Variants in CAST observed in about 807,000 individuals in gnomAD.
CAST encodes the protein MIR583 host.
In CAST, 76 loss-of-function variants were observed where a neutral mutation model predicts 119.6. That is an observed-to-expected ratio of 0.64 (90% CI 0.53 to 0.77). The LOEUF is 0.77. Ranked by LOEUF, CAST falls within the 30% of genes least tolerant of loss-of-function variation. CAST has a pLI of 0.00. For missense variants in CAST, 953 were observed against 946.5 expected (o/e 1.01, Z -0.09); for synonymous variants, 319 against 331.6 (o/e 0.96, Z 0.41).
the CAST span, among the ~76,000 whole-genome samples, chr5:96,060,504 G>A: frequency 3.3e-5 from 5 of 151,988 alleles, no homozygotes; most frequent in Non-Finnish European, 7.4e-5. Context: ...CATTTCCAGC[G>A]TCCTATCACC....
chr5:96,140,490 C>G, the CAST span, among the ~76,000 whole-genome samples: 1 of 152,184 alleles, frequency 6.6e-6, no homozygotes, highest in African/African-American at 2.4e-5. Context: ...AGGCTGAAAT[C>G]TCAATTCTTT....
chr5:96,190,038 T>C, the CAST span, among the ~76,000 whole-genome samples: 5 of 152,136 alleles, frequency 3.3e-5, no homozygotes, highest in African/African-American at 1.2e-4. Context: ...TATTCCAAGT[T>C]GGGGGTATTA....
chr5:96,683,182 C>A (rs1751656063), intron 2 of CAST, among the ~76,000 whole-genome samples: 1 of 152,168 alleles, frequency 6.6e-6, no homozygotes, highest in African/African-American at 2.4e-5. Context: ...TATGAGCATT[C>A]AGGAAAGAGG....
the CAST span, among the ~76,000 whole-genome samples, chr5:96,465,237 G>T: frequency 6.6e-6 from 1 of 150,728 alleles, no homozygotes; most frequent in Non-Finnish European, 1.5e-5. Flanking sequence ...ATTGAATTTT[G>T]TATTTTTGTA....
chr5:96,183,088 G>A, the CAST span, among the ~76,000 whole-genome samples: 1 of 151,488 alleles, frequency 6.6e-6, no homozygotes, highest in African/African-American at 2.4e-5. Context: ...GCAGTGAGCC[G>A]AGATCGCGCG....
the CAST span, among the ~76,000 whole-genome samples, chr5:96,079,774 T>C: frequency 1.3e-5 from 2 of 152,224 alleles, no homozygotes; most frequent in African/African-American, 2.4e-5. Context: ...TATTATTATT[T>C]TTAACTTAAC....
At chr5:96,303,342 A>G in the CAST span, among the ~76,000 whole-genome samples, 1 of 152,226 alleles carries the variant, frequency 6.6e-6, no homozygotes, top group South Asian at 2.1e-4. Context: ...AGGGACACAG[A>G]GACAAATCAT....
At chr5:96,154,016 C>T in the CAST span, among the ~76,000 whole-genome samples, 6 of 152,006 alleles carry the variant, frequency 3.9e-5, no homozygotes, top group Non-Finnish European at 7.4e-5. Flanking sequence ...TGAGGCCGGG[C>T]GTGGTGGCTC....
chr5:96,558,132 A>T (rs1746281171), intron 1 of CAST, among the ~76,000 whole-genome samples: 1 of 152,242 alleles, frequency 6.6e-6, no homozygotes. Flanking sequence ...ATGAAGGCAG[A>T]AATAAAGATG....
intron 3 of CAST, among the ~76,000 whole-genome samples, chr5:96,697,134 C>T (rs1325873096): frequency 2.0e-5 from 3 of 151,998 alleles, no homozygotes; most frequent in Non-Finnish European, 4.4e-5. Context: ...CGCCACTGCA[C>T]TCCAGCCTTG....
At chr5:96,536,407 G>T (rs1337746790) in intron 1 of CAST, among the ~76,000 whole-genome samples, 1 of 152,146 alleles carries the variant, frequency 6.6e-6, no homozygotes, top group Non-Finnish European at 1.5e-5. Flanking sequence ...GTATCCAAAG[G>T]CAGTGAGATG....
the CAST span, among the ~76,000 whole-genome samples, chr5:96,304,683 C>T: frequency 2.0e-5 from 3 of 152,142 alleles, no homozygotes; most frequent in East Asian, 1.9e-4. Context: ...TCCAGTTTTC[C>T]GAAGACCATT....
rs139724156 is a variant in CAST, at chr5:96,637,181, C to T, written c.61-38358C>T. Reference sequence around the variant, plus strand: ...TTCTGTTGCTAATGTAATTTTATTACTATATTTACTATGTGTCAGGTGCAA... The same window carrying T: ...TTCTGTTGCTAATGTAATTTTATTATTATATTTACTATGTGTCAGGTGCAA... On this transcript the variant is annotated intron_variant, in intron 1 of 11. Transcript: ENST00000505143. Among the ~76,000 whole-genome samples, 324 of 152,294 alleles carry T rather than the reference C, an allele frequency of 2.1e-3. 1 individual carries two copies. The highest frequency in any genetic ancestry group is 2.9e-3 in the Non-Finnish European group (200 of 68,020).
At chr5:96,511,177 G>T in the CAST span, among the ~76,000 whole-genome samples, 1 of 152,066 alleles carries the variant, frequency 6.6e-6, no homozygotes, top group African/African-American at 2.4e-5. Context: ...ACGGAATCTC[G>T]CTCTGTCACC....
intron 1 of CAST, among the ~76,000 whole-genome samples, chr5:96,533,470 A>G (rs1055419165): frequency 8.5e-5 from 13 of 152,206 alleles, no homozygotes; most frequent in Admixed American, 7.9e-4. Context: ...GGGAGTCTAA[A>G]ATCAAAGCTA....
chr5:96,118,485 G>A, the CAST span, among the ~76,000 whole-genome samples: 2 of 152,120 alleles, frequency 1.3e-5, no homozygotes, highest in South Asian at 4.1e-4. Context: ...CCACTGTGCT[G>A]AGCAAAAAAT....
upstream of CAST, chr5:96,662,130 G>A (rs943846122): frequency 1.2e-5 from 4 of 347,232 alleles, no homozygotes; most frequent in African/African-American, 6.5e-5. Context: ...GACCAACCGG[G>A]ACCAGAGCAG....
intron 1 of CAST, among the ~76,000 whole-genome samples, chr5:96,547,625 C>T (rs528889566): frequency 6.6e-6 from 1 of 152,230 alleles, no homozygotes; most frequent in Non-Finnish European, 1.5e-5. Flanking sequence ...GCTGCCTTGA[C>T]AACTTTTAAC....
At chr5:96,766,684 T>G (rs1213029840) in intron 27 of CAST, among the ~76,000 whole-genome samples, 4 of 152,340 alleles carry the variant, frequency 2.6e-5, no homozygotes, top group Middle Eastern at 3.4e-3. Context: ...TCCCACATGA[T>G]AGAGGCCAGT....
Sources: allele counts gnomAD v4.1 joint callset (sites outside exome capture counted in the v4.1 genomes callset), GRCh38; gene constraint gnomAD v4.1.1; transcripts MANE v1.5; gene names NCBI Gene and HGNC (gene_info 2026-07-23, HGNC 2026-07-21).